Variants in ANKMY1 observed in about 807,000 individuals in gnomAD.
ANKMY1 encodes the protein ankyrin repeat and MYND domain-containing protein 1.
Under a neutral mutation model 102.0 loss-of-function variants are expected in ANKMY1, and 98 were observed. That is an observed-to-expected ratio of 0.96 (90% CI 0.82 to 1.14). The LOEUF is 1.14. Ranked by LOEUF, ANKMY1 falls within the 50% of genes most tolerant of loss-of-function variation. The pLI is 0.00. For missense variants in ANKMY1, 1,330 were observed against 1,347.6 expected (o/e 0.99, Z 0.20); for synonymous variants, 582 against 559.9 (o/e 1.04, Z -0.56).
At chr2:240,476,746 G>C (rs1463725582), downstream of ANKMY1, among the ~76,000 whole-genome samples, 1 of 152,202 alleles carries the variant, frequency 6.6e-6, no homozygotes, top group Non-Finnish European at 1.5e-5. Flanking sequence ...ATGCTAGATT[G>C]GTTATACAAT....
chr2:240,507,071 T>C (rs2079201845), intron 13 of ANKMY1, among the ~76,000 whole-genome samples: 1 of 152,104 alleles, frequency 6.6e-6, no homozygotes, highest in Admixed American at 6.5e-5. Flanking sequence ...GAATCTTGTT[T>C]TCACCGAGAC....
intron 15 of ANKMY1, among the ~76,000 whole-genome samples, chr2:240,492,776 C>T (rs140490788): frequency 0.12 from 18,473 of 152,084 alleles, 1,196 homozygotes; most frequent in African/African-American, 0.17. Flanking sequence ...CTGCAACCTC[C>T]GCCTCCCGGG....
In ANKMY1 at chr2:240,520,337, G is replaced by C. The variant is rs140387603; in HGVS notation, c.2004+25C>G. 13 of 1,514,972 alleles carry C rather than the reference G, an allele frequency of 8.6e-6. No homozygotes were observed. The African/African-American group carries it at 1.3e-4, about 15-fold the overall frequency. 93.8% of individuals were successfully genotyped at this position (1,514,972 alleles called of 1,614,324 possible). On this transcript the variant is annotated intron_variant, in intron 9 of 17. Transcript: ENST00000401804. The surrounding 1 kb of genome is among the most constrained non-coding windows in gnomAD (Gnocchi z 4.8). ...CCCGGGAGTCTGCTGCGCTCGTCCC[G>C]GCGCCCGCCCGCCGCGGCTCCTACC...
intron 4 of ANKMY1, 53 bp downstream of exon 4, chr2:240,552,861 T>C (rs1317431367): frequency 1.9e-6 from 3 of 1,611,966 alleles, no homozygotes; most frequent in Admixed American, 1.7e-5. Flanking sequence ...GTCCAGTGGC[T>C]TAGACACACA....
chr2:240,472,423 T>C, the ANKMY1 span, among the ~76,000 whole-genome samples: 2 of 152,242 alleles, frequency 1.3e-5, no homozygotes, highest in South Asian at 4.1e-4. Context: ...AAGGCAGGCC[T>C]ACAGACCTCA....
At chr2:240,511,064 A>G (rs2080084310) in intron 11 of ANKMY1, among the ~76,000 whole-genome samples, 1 of 151,780 alleles carries the variant, frequency 6.6e-6, no homozygotes, top group Admixed American at 6.6e-5. Context: ...CTACCCTCCA[A>G]GGAGGCTCTG....
At chr2:240,505,047 T>TA (rs113210633) in intron 13 of ANKMY1, among the ~76,000 whole-genome samples, 4 of 129,310 alleles carry the variant, frequency 3.1e-5, no homozygotes, top group African/African-American at 1.0e-4. Context: ...ATGGCTACTA[T>TA]CAAAAAAACA....
intron 15 of ANKMY1, among the ~76,000 whole-genome samples, chr2:240,498,832 C>A (rs2152011198): frequency 1.3e-5 from 2 of 152,114 alleles, no homozygotes; most frequent in South Asian, 4.1e-4. Flanking sequence ...TTTAGAAGAG[C>A]CTGGGACACC....
the ANKMY1 span, among the ~76,000 whole-genome samples, chr2:240,470,580 A>G: frequency 0.012 from 1,811 of 152,138 alleles, 22 homozygotes; most frequent in Non-Finnish European, 0.017. Context: ...TCTAGCACAA[A>G]CCCATGTTTA....
In ANKMY1 at chr2:240,523,910, G is replaced by C. The variant is rs140290900; in HGVS notation, c.1807C>G (p.Arg603Gly). Reference protein sequence around the residue: ...CTSSFDKGTMRRMALSMIERR... With the variant: ...CTSSFDKGTMGRMALSMIERR... ...TCGATCATGGACAGCGCCATCCTCC[G>C]CATGGTCCCTTTGTCGAAGCTGCTG... The change falls in exon 8 of 18, where the codon CGG becomes GGG. Residue 603 changes from arginine (R) to glycine (G), a missense_variant. Transcript: ENST00000401804. The C allele has an allele frequency of 6.8e-6, 11 of 1,613,472 alleles. No individual in the cohort carries two copies. Among genetic ancestry groups the C allele is most frequent in the Non-Finnish European group, 4.2e-6 (5 of 1,179,984 alleles).
the ANKMY1 span, among the ~76,000 whole-genome samples, chr2:240,469,170 G>C: frequency 6.6e-6 from 1 of 152,236 alleles, no homozygotes; most frequent in African/African-American, 2.4e-5. Flanking sequence ...TTGCCCAGCT[G>C]CTTCAAGACT....
rs2152213965 is a variant in ANKMY1, at chr2:240,511,890, T to C, written c.2257A>G (p.Met753Val). Residue 753 changes from methionine to valine, a missense_variant, in exon 11 of 18, where the codon ATG (methionine) becomes GTG (valine). By Grantham distance (21) the Met-to-Val change is conservative. Coordinates refer to ENST00000401804, the MANE Select transcript of ANKMY1 (RefSeq NM_001282771.3). ...PEEGGRTALH[M>V]ACEREDDNKC... is the part of the protein sequence containing the mutation. ...TTGTCATCCTCCCGCTCGCAGGCCATGTGCAGAGCCGTCCTGCCCCCCTCC... is the reference window on the plus strand; with the variant it reads ...TTGTCATCCTCCCGCTCGCAGGCCACGTGCAGAGCCGTCCTGCCCCCCTCC... 2 of 1,592,352 alleles carry C rather than the reference T, an allele frequency of 1.3e-6. No individual in the cohort carries two copies. The highest frequency in any genetic ancestry group is 1.7e-6 in the Non-Finnish European group (2 of 1,175,140).
chr2:240,469,465 CACAG>C, the ANKMY1 span, among the ~76,000 whole-genome samples: 1 of 152,324 alleles, frequency 6.6e-6, no homozygotes, highest in South Asian at 2.1e-4. Context: ...TTCCAGAAGC[CACAG>C]ACAAACTGAC....
chr2:240,514,996 A>G (rs971485138), intron 9 of ANKMY1, among the ~76,000 whole-genome samples: 23 of 152,382 alleles, frequency 1.5e-4, no homozygotes, highest in African/African-American at 5.0e-4. Flanking sequence ...GAAGGTGTCA[A>G]TCAAGATGAA....
intron 8 of ANKMY1, chr2:240,522,131 C>A (rs1337413374): frequency 7.0e-6 from 1 of 142,694 alleles, no homozygotes; most frequent in Non-Finnish European, 1.6e-5. Context: ...TTTTACAGAA[C>A]GCTGATTGGT....
Position 240,529,918 on chromosome 2 carries a change from C to T in ANKMY1, c.481-409G>A, listed in dbSNP as rs997434743. Among the ~76,000 whole-genome samples the T allele has an allele frequency of 1.3e-5, 2 of 151,300 alleles. No homozygotes were observed. Among genetic ancestry groups the T allele is most frequent in the African/African-American group, 2.4e-5 (1 of 41,080 alleles). On this transcript the variant is annotated intron_variant, in intron 4 of 17. Transcript: ENST00000401804. The surrounding 1 kb of genome is among the most constrained non-coding windows in gnomAD (Gnocchi z 4.2). ...TATGCAGGCAGCAGGTCAGGTATGACCCAACAAGGGGCAGGAGAAGGAGGA... is the reference window on the plus strand; with the variant it reads ...TATGCAGGCAGCAGGTCAGGTATGATCCAACAAGGGGCAGGAGAAGGAGGA...
At chr2:240,483,328 T>G (rs573389439) in intron 15 of ANKMY1, among the ~76,000 whole-genome samples, 1 of 152,284 alleles carries the variant, frequency 6.6e-6, no homozygotes, top group South Asian at 2.1e-4. Flanking sequence ...AGCTAATTTT[T>G]GTACTTTTAG....
intron 8 of ANKMY1, among the ~76,000 whole-genome samples, chr2:240,521,745 GC>G (rs2082326048): frequency 6.6e-6 from 1 of 152,032 alleles, no homozygotes; most frequent in South Asian, 2.1e-4. Context: ...TGATCCACCT[GC>G]CTCGGCCTCC....
chr2:240,492,181 T>C (rs534608698), intron 15 of ANKMY1, among the ~76,000 whole-genome samples: 9 of 152,064 alleles, frequency 5.9e-5, no homozygotes, highest in South Asian at 2.1e-4. Flanking sequence ...TTTGTAGAGA[T>C]AGGGTCTTGC....
Sources: gnomAD v4.1 joint callset for allele counts (sites outside exome capture counted in the v4.1 genomes callset) on GRCh38, gnomAD v4.1.1 for gene constraint, Gnocchi (gnomAD v3.1) non-coding constraint, MANE v1.5 for transcripts, NCBI Gene and HGNC (gene_info 2026-07-23, HGNC 2026-07-21) for gene names.